SLC12A8: variants seen among roughly 807,000 people sequenced by gnomAD.
SLC12A8 encodes the protein cation-chloride cotransporter 9.
SLC12A8 carries 69 observed loss-of-function variants against 75.6 expected under a neutral mutation model. That is an observed-to-expected ratio of 0.91 (90% confidence interval 0.75 to 1.11). The LOEUF is 1.11. SLC12A8 is among the 50% of genes most tolerant of loss of function. SLC12A8 has a pLI of 0.00. For synonymous variants in SLC12A8, 365 were observed against 372.8 expected (o/e 0.98, Z 0.24); for missense variants, 877 against 896.7 (o/e 0.98, Z 0.28).
At chr3:125,128,616 A>G (rs1049094756) in intron 6 of SLC12A8, among the ~76,000 whole-genome samples, 4 of 151,848 alleles carry the variant, frequency 2.6e-5, no homozygotes, top group Admixed American at 2.6e-4. Flanking sequence ...AGTAGCTGGG[A>G]CTACAGGCTT....
intron 5 of SLC12A8, among the ~76,000 whole-genome samples, chr3:125,172,821 A>T (rs1473741220): frequency 1.3e-5 from 2 of 152,358 alleles, no homozygotes; most frequent in Admixed American, 1.3e-4. Flanking sequence ...GTTTATATTT[A>T]AAGAAATGGG....
In SLC12A8 at chr3:125,082,823, G is replaced by T. The variant is rs558179425; in HGVS notation, c.*1067C>A. 6.6e-6 allele frequency: 1 copy of T among 152,152 alleles called. No individual in the cohort carries two copies. Among genetic ancestry groups the T allele is most frequent in the African/African-American group, 2.4e-5 (1 of 41,428 alleles). The allele number at this position is 152,152 out of a possible 1,614,324, so 9.4% of individuals were successfully genotyped here. A position where few individuals can be genotyped will look rare whatever the true frequency, so the allele number is the denominator to read the frequency against. Reference sequence around the variant, plus strand: ...GATTGTCATTGCAAAAGATTGGAAAGAATCCAAATGCTCATCATTGTGGAA... The same window carrying T: ...GATTGTCATTGCAAAAGATTGGAAATAATCCAAATGCTCATCATTGTGGAA... On this transcript the variant is annotated 3_prime_UTR_variant, in exon 14 of 14. Transcript: ENST00000469902.
intron 6 of SLC12A8, among the ~76,000 whole-genome samples, chr3:125,121,725 A>G (rs937560260): frequency 6.6e-6 from 1 of 152,222 alleles, no homozygotes; most frequent in East Asian, 1.9e-4. Flanking sequence ...CTAAGATTCA[A>G]CCCTGGTCTG....
At chr3:125,210,116 C>T (rs1935306814) in intron 2 of SLC12A8, among the ~76,000 whole-genome samples, 1 of 152,206 alleles carries the variant, frequency 6.6e-6, no homozygotes, top group African/African-American at 2.4e-5. Context: ...AATCAACTCT[C>T]TCTTAGGGCA....
intron 5 of SLC12A8, among the ~76,000 whole-genome samples, chr3:125,169,235 C>G (rs1934355156): frequency 6.6e-6 from 1 of 152,180 alleles, no homozygotes; most frequent in South Asian, 2.1e-4. Flanking sequence ...TAGCTTTAAG[C>G]CAAACAAATT....
intron 5 of SLC12A8, 152 bp downstream of exon 5, chr3:125,177,591 C>T: frequency 1.6e-6 from 1 of 629,812 alleles, no homozygotes; most frequent in Non-Finnish European, 2.8e-6. Flanking sequence ...CTCCAAGACA[C>T]ACCTGCTCAC....
chr3:125,137,647 G>A (rs139694725), intron 5 of SLC12A8, among the ~76,000 whole-genome samples: 104 of 152,334 alleles, frequency 6.8e-4, no homozygotes, highest in African/African-American at 2.2e-3. Context: ...ATCTCCAAGG[G>A]CCCAAGGGCG....
At chr3:125,199,679 G>A (rs549860046) in intron 2 of SLC12A8, among the ~76,000 whole-genome samples, 10 of 151,890 alleles carry the variant, frequency 6.6e-5, no homozygotes, top group East Asian at 3.9e-4. Flanking sequence ...CCAGGAGTTC[G>A]AGGCTACAAT....
chr3:125,097,379 ACT>A (rs1485682071), intron 10 of SLC12A8, among the ~76,000 whole-genome samples: 1 of 149,760 alleles, frequency 6.7e-6, no homozygotes, highest in Admixed American at 6.7e-5. Context: ...ACAGAGCAAG[ACT>A]CTGTCTCAAA....
In SLC12A8 at chr3:125,125,490, C is replaced by T. The variant is rs962978056; in HGVS notation, c.737-4804G>A. On this transcript the variant is annotated intron_variant, in intron 6 of 13. Coordinates refer to ENST00000469902, the MANE Select transcript of SLC12A8 (RefSeq NM_024628.6). ...AGGAAAATCGCTTGAATCTGGGAGG[C>T]GTAGGTTGCAATGAGCCAAGATCAC... Among the ~76,000 whole-genome samples, 17 of 152,060 alleles carry T rather than the reference C, an allele frequency of 1.1e-4. No homozygotes were observed. In the East Asian group the frequency reaches 2.1e-3, roughly 19 times the overall value.
rs559986930 is a variant in SLC12A8, at chr3:125,177,125, C to G, written c.622+618G>C. On this transcript the variant is annotated intron_variant, in intron 5 of 13. Transcript: ENST00000469902. ...ATTAAGAAAATGTGGCACATATACACCATGAAATACTATGCAGCCATAAAA... is the reference window on the plus strand; with the variant it reads ...ATTAAGAAAATGTGGCACATATACAGCATGAAATACTATGCAGCCATAAAA... Among the ~76,000 whole-genome samples, 232 of 152,078 alleles carry G rather than the reference C, an allele frequency of 1.5e-3. 3 individuals carry two copies. The East Asian group carries it at 0.017, about 11-fold the overall frequency.
intron 5 of SLC12A8, among the ~76,000 whole-genome samples, chr3:125,144,597 T>C (rs1239217112): frequency 6.6e-6 from 1 of 152,060 alleles, no homozygotes; most frequent in Non-Finnish European, 1.5e-5. Context: ...ACGGGAAGTC[T>C]CCACCCTGGC....
intron 2 of SLC12A8, among the ~76,000 whole-genome samples, chr3:125,206,096 A>C (rs1007170889): frequency 2.6e-5 from 4 of 152,376 alleles, no homozygotes; most frequent in African/African-American, 7.2e-5. Flanking sequence ...ATTGCCTGGC[A>C]CATGGCTGCT....
chr3:125,120,721 G>A (rs767684418), intron 6 of SLC12A8, 35 bp from the exon 7 acceptor site: 18 of 1,533,508 alleles, frequency 1.2e-5, no homozygotes, highest in Middle Eastern at 1.7e-4. Context: ...GGGGTGAGCA[G>A]CCTCCTCCAC....
At position 125,098,974 on chromosome 3, in the gene SLC12A8, T is replaced by C. The variant is rs377491884; in HGVS notation, c.1706-6776A>G. 3.0e-4 allele frequency among the ~76,000 whole-genome samples: 46 copies of C among 152,288 alleles called. No homozygotes were observed. The South Asian group carries it at 7.3e-3, about 24-fold the overall frequency. On this transcript the variant is annotated intron_variant, in intron 10 of 13. Coordinates refer to ENST00000469902, the MANE Select transcript of SLC12A8 (RefSeq NM_024628.6). ...GGAGATCCTGGAAATGAGAGCACCA[T>C]AGAAAGACTAGATAACCTCCCCACA... is the stretch of plus-strand genomic sequence containing the variant.
chr3:125,158,358 T>G (rs941512741), intron 5 of SLC12A8, among the ~76,000 whole-genome samples: 4 of 152,036 alleles, frequency 2.6e-5, no homozygotes, highest in African/African-American at 9.7e-5. Flanking sequence ...GTAGCTGGAA[T>G]TACAGGCATG....
intron 2 of SLC12A8, among the ~76,000 whole-genome samples, chr3:125,210,431 G>A (rs1287061616): frequency 1.3e-5 from 2 of 152,216 alleles, no homozygotes; most frequent in Admixed American, 1.3e-4. Flanking sequence ...TTTGAGCCCT[G>A]AGTGGTGCAC....
intron 5 of SLC12A8, among the ~76,000 whole-genome samples, chr3:125,166,322 A>G (rs1039740793): frequency 9.1e-5 from 7 of 77,346 alleles, no homozygotes; most frequent in African/African-American, 1.9e-4. Flanking sequence ...CCCCACCCCC[A>G]TCTCGTCTCT....
At position 125,111,680 on chromosome 3, in the gene SLC12A8, G is replaced by A. The variant is rs78708979; in HGVS notation, c.913-1345C>T. 2.6e-3 allele frequency among the ~76,000 whole-genome samples: 400 copies of A among 152,136 alleles called. 1 individual carries two copies. The highest frequency in any genetic ancestry group is 8.7e-3 in the East Asian group (45 of 5,180). On this transcript the variant is annotated intron_variant, in intron 8 of 13. Coordinates refer to ENST00000469902, the MANE Select transcript of SLC12A8 (RefSeq NM_024628.6). ...CTTGCATCAGCAAAGCACCGGATTC[G>A]TGTCACCAAGCTACATTGAACACAA...
Sources: gnomAD v4.1 joint callset for allele counts (sites outside exome capture counted in the v4.1 genomes callset) on GRCh38, gnomAD v4.1.1 for gene constraint, MANE v1.5 for transcripts, NCBI Gene and HGNC (gene_info 2026-07-23, HGNC 2026-07-21) for gene names.